The following COMMD1 variants were observed in gnomAD, a reference collection of about 807,000 sequenced individuals.
The protein encoded by COMMD1 is copper metabolism domain containing 1.
In COMMD1, 10 loss-of-function variants were observed where a neutral mutation model predicts 17.2. The ratio of observed to expected loss-of-function variants is 0.58; its 90% CI spans 0.36 to 0.99. The LOEUF (loss-of-function observed/expected upper bound fraction) is 0.99, where lower values mean the gene tolerates loss of function less well. COMMD1 is among the 50% of genes least tolerant of loss of function. The probability of loss-of-function intolerance (pLI) is 0.01; values close to 1 mark genes in which losing one functional copy is unlikely to be tolerated. For missense variants in COMMD1, 270 were observed against 231.8 expected, an observed-to-expected ratio of 1.17 and a Z score of -1.07; for synonymous variants, 97 against 91.6, an observed-to-expected ratio of 1.06 and a Z score of -0.34.
intron 1 of COMMD1, among the ~76,000 whole-genome samples, chr2:61,960,775 T>G (rs1292484358): frequency 6.6e-6 from 1 of 152,220 alleles, no homozygotes; most frequent in Non-Finnish European, 1.5e-5. Flanking sequence ...CTCCCGTGCC[T>G]TTCCCTTCTG....
intron 1 of COMMD1, among the ~76,000 whole-genome samples, chr2:61,937,010 C>T (rs1197596980): frequency 2.0e-5 from 3 of 152,092 alleles, no homozygotes; most frequent in Non-Finnish European, 4.4e-5. Context: ...GAAGTGGGGG[C>T]TTCCAGGTCA....
At chr2:62,057,822 T>C (rs1670750975) in intron 2 of COMMD1, among the ~76,000 whole-genome samples, 1 of 152,108 alleles carries the variant, frequency 6.6e-6, no homozygotes, top group Non-Finnish European at 1.5e-5. Context: ...TCCTCCCACC[T>C]TGGTCTCCCA....
chr2:62,005,501 G>C (rs562484181), intron 2 of COMMD1, among the ~76,000 whole-genome samples: 19 of 152,008 alleles, frequency 1.2e-4, no homozygotes, highest in South Asian at 6.3e-4. Context: ...AAATTTACAA[G>C]AAAAAAACAA....
chr2:62,113,357 A>AATAT (rs1553393203), intron 2 of COMMD1, among the ~76,000 whole-genome samples: 1 of 151,868 alleles, frequency 6.6e-6, no homozygotes, highest in Non-Finnish European at 1.5e-5. Context: ...GTCTCAAAAA[A>AATAT]ATATATATAT....
intron 2 of COMMD1, among the ~76,000 whole-genome samples, chr2:62,112,456 T>C (rs1430770293): frequency 6.6e-6 from 1 of 152,228 alleles, no homozygotes; most frequent in African/African-American, 2.4e-5. Flanking sequence ...TGACTGTTTG[T>C]CACTATTAAG....
intron 2 of COMMD1, among the ~76,000 whole-genome samples, chr2:62,002,518 A>T (rs1298906990): frequency 1.3e-5 from 2 of 148,162 alleles, no homozygotes; most frequent in Non-Finnish European, 3.0e-5. Context: ...AAAAAAAAAA[A>T]AAAAAAGATA....
At chr2:61,963,945 A>G (rs1450255930) in intron 1 of COMMD1, among the ~76,000 whole-genome samples, 2 of 152,218 alleles carry the variant, frequency 1.3e-5, no homozygotes, top group African/African-American at 4.8e-5. Context: ...GGAAAACTAC[A>G]GTCTTCCACC....
At chr2:61,900,696 C>T (rs182435009), upstream of COMMD1, among the ~76,000 whole-genome samples, 1 of 152,274 alleles carries the variant, frequency 6.6e-6, no homozygotes, top group African/African-American at 2.4e-5. Flanking sequence ...GGTCTGTTCA[C>T]TCAGTGGGAG....
At chr2:61,952,027 A>G (rs1266821539) in intron 1 of COMMD1, among the ~76,000 whole-genome samples, 1 of 152,172 alleles carries the variant, frequency 6.6e-6, no homozygotes, top group African/African-American at 2.4e-5. Flanking sequence ...TGGTATGACC[A>G]TTTGCATATG....
At chr2:62,121,839 T>A (rs918506803) in intron 2 of COMMD1, among the ~76,000 whole-genome samples, 1 of 152,142 alleles carries the variant, frequency 6.6e-6, no homozygotes, top group African/African-American at 2.4e-5. Flanking sequence ...TCACCCAGGT[T>A]GGAGTGCAGT....
intron 1 of COMMD1, among the ~76,000 whole-genome samples, chr2:61,960,067 T>C (rs1218437210): frequency 6.6e-6 from 1 of 152,156 alleles, no homozygotes; most frequent in Non-Finnish European, 1.5e-5. Context: ...TTGTCTAGTT[T>C]TGTCCAGGCG....
chr2:61,909,706 CTA>C (rs2105175923), intron 1 of COMMD1, among the ~76,000 whole-genome samples: 1 of 152,264 alleles, frequency 6.6e-6, no homozygotes, highest in South Asian at 2.1e-4. Context: ...TTTCAGTTAT[CTA>C]TGTAATATCA....
chr2:62,006,136 A>G (rs967864749), intron 2 of COMMD1, among the ~76,000 whole-genome samples: 1 of 139,776 alleles, frequency 7.2e-6, no homozygotes, highest in African/African-American at 2.7e-5. Flanking sequence ...ATAGGTGGGA[A>G]TTGAACAATG....
At chr2:61,934,674 G>A (rs1207320451) in intron 1 of COMMD1, among the ~76,000 whole-genome samples, 1 of 152,234 alleles carries the variant, frequency 6.6e-6, no homozygotes, top group East Asian at 1.9e-4. Context: ...AGAAAGGGAT[G>A]TGAAATTGAG....
At chr2:61,911,262 G>A (rs1669899212) in intron 1 of COMMD1, among the ~76,000 whole-genome samples, 1 of 151,976 alleles carries the variant, frequency 6.6e-6, no homozygotes, top group Non-Finnish European at 1.5e-5. Context: ...ATCACCTGAG[G>A]TCAGGAGTTT....
intron 1 of COMMD1, among the ~76,000 whole-genome samples, chr2:61,942,718 A>C (rs1443626870): frequency 6.7e-6 from 1 of 149,548 alleles, no homozygotes; most frequent in Non-Finnish European, 1.5e-5. Context: ...TTGTATTTTT[A>C]GTAGAGGCGG....
At chr2:62,087,778 T>TA (rs1164485252) in intron 2 of COMMD1, among the ~76,000 whole-genome samples, 1 of 152,176 alleles carries the variant, frequency 6.6e-6, no homozygotes, top group Non-Finnish European at 1.5e-5. Context: ...ATAAATTTCA[T>TA]AAAAATGCCT....
chr2:62,030,946 G>A (rs528932636), intron 2 of COMMD1, among the ~76,000 whole-genome samples: 1 of 152,048 alleles, frequency 6.6e-6, no homozygotes, highest in Non-Finnish European at 1.5e-5. Flanking sequence ...TATAGATACA[G>A]GTGCTTCTTG....
chr2:61,992,836 T>C (rs1672286119), intron 1 of COMMD1, among the ~76,000 whole-genome samples: 1 of 152,210 alleles, frequency 6.6e-6, no homozygotes, highest in African/African-American at 2.4e-5. Flanking sequence ...CAGATAGTAA[T>C]ACATGCATAA....
Sources: gnomAD v4.1 joint callset for allele counts (sites outside exome capture counted in the v4.1 genomes callset) on GRCh38, gnomAD v4.1.1 for gene constraint, MANE v1.5 for transcripts, NCBI Gene and HGNC (gene_info 2026-07-23, HGNC 2026-07-21) for gene names.